The following DNAH7 variants were observed in gnomAD, a reference collection of about 807,000 sequenced individuals.
DNAH7 encodes dynein axonemal heavy chain 7, also known as axonemal beta dynein heavy chain 7.
In DNAH7, 397 loss-of-function variants were observed where a neutral mutation model predicts 444.6. The observed-to-expected ratio is 0.89, with a 90% confidence interval of 0.82 to 0.97. The LOEUF (loss-of-function observed/expected upper bound fraction) is 0.97. Among genes scored for constraint, DNAH7 ranks in the 50% least tolerant of loss-of-function variants. The pLI is 0.00. For synonymous variants in DNAH7, 1,636 were observed against 1,624.4 expected, an observed-to-expected ratio of 1.01 and a Z score of -0.17; for missense variants, 4,902 against 4,800.8, an observed-to-expected ratio of 1.02 and a Z score of -0.62.
chr2:195,939,743 T>C (rs1000305409), intron 19 of DNAH7, among the ~76,000 whole-genome samples: 1 of 152,136 alleles, frequency 6.6e-6, no homozygotes, highest in African/African-American at 2.4e-5. Context: ...CTACTAGGTT[T>C]ACATTTCTAA....
At chr2:195,969,705 A>G (rs1446722221) in intron 17 of DNAH7, among the ~76,000 whole-genome samples, 3 of 152,254 alleles carry the variant, frequency 2.0e-5, no homozygotes, top group Admixed American at 2.0e-4. Context: ...AAGTTTAAAA[A>G]GAAGACTGAG....
chr2:196,027,849 T>G (rs762204182), intron 6 of DNAH7, 111 bp downstream of exon 6: 9 of 894,670 alleles, frequency 1.0e-5, no homozygotes, highest in Non-Finnish European at 1.5e-5. Flanking sequence ...TTTATTCCTA[T>G]GTCCACAGAG....
Position 195,808,692 on chromosome 2 carries a change from T to C in DNAH7, c.10073A>G (p.Tyr3358Cys). 6.2e-7 allele frequency: 1 copy of C among 1,613,924 alleles called. No homozygotes were observed. The highest frequency in any genetic ancestry group is 1.1e-5 in the South Asian group (1 of 91,068). Residue 3358 changes from tyrosine (Y) to cysteine (C), a missense_variant, in exon 53 of 65, where the codon TAT becomes TGT. Physicochemically the swap from Tyr to Cys is radical, Grantham distance 194. Transcript: ENST00000312428. ...MRLKDGWKKV[Y>C]DSLEPHHEVF... is the part of the protein sequence containing the mutation. ...AGGGTTAAAACATACCAAACTATCA[T>C]ATACTTTCTTCCATCCATCCTTTAA...
chr2:195,902,073 C>G (rs1464365827), intron 27 of DNAH7: 1 of 152,056 alleles, frequency 6.6e-6, no homozygotes, highest in Non-Finnish European at 1.5e-5. Flanking sequence ...GAATGACAAT[C>G]ATAGTCAGAT....
intron 47 of DNAH7, among the ~76,000 whole-genome samples, chr2:195,842,009 C>T (rs1366326954): frequency 6.6e-6 from 1 of 152,008 alleles, no homozygotes; most frequent in African/African-American, 2.4e-5. Context: ...TTTACACACA[C>T]ATAAATTCAT....
rs761751366 is a variant in DNAH7, at chr2:195,855,963, T to C, written c.8443A>G (p.Ile2815Val). ...TCCCCTTCAGCTGCAGCCAGTTTTA[T>C]CTTTTTGGGAGCTACTATTTTTGCC... ...KVAKIVAPKK[I>V]KLAAAEGELK... Residue 2815 changes from isoleucine to valine, a missense_variant, in exon 45 of 65, where the codon ATA becomes GTA. Transcript: ENST00000312428. 75 of 1,612,400 alleles carry C rather than the reference T, an allele frequency of 4.7e-5. No individual in the cohort carries two copies. The highest frequency in any genetic ancestry group is 5.8e-5 in the Non-Finnish European group (68 of 1,179,464).
intron 63 of DNAH7, among the ~76,000 whole-genome samples, chr2:195,753,394 T>A (rs1045292210): frequency 2.6e-5 from 4 of 152,190 alleles, no homozygotes; most frequent in Non-Finnish European, 4.4e-5. Context: ...AAAATAAAAC[T>A]TCTTGGCACA....
In DNAH7 at chr2:195,787,139, A is replaced by AC; in HGVS notation, c.10748dup (p.Cys3583TrpfsTer23). The AC allele has an allele frequency of 6.2e-7, 1 of 1,606,280 alleles. No individual in the cohort carries two copies. The highest frequency in any genetic ancestry group is 1.1e-5 in the South Asian group (1 of 89,694). On this transcript the variant is annotated frameshift_variant, in exon 58 of 65. Transcript: ENST00000312428. LOFTEE classifies it high-confidence loss of function. ...TTTCTTGTACCAAAGCATGAAAGAAACACAGGCCATAAAGCAATTTCTTGA... is the reference window on the plus strand; with the variant it reads ...TTTCTTGTACCAAAGCATGAAAGAAACCACAGGCCATAAAGCAATTTCTTGA...
intron 48 of DNAH7, among the ~76,000 whole-genome samples, chr2:195,829,197 T>A (rs1444451380): frequency 6.6e-6 from 1 of 152,210 alleles, no homozygotes; most frequent in Non-Finnish European, 1.5e-5. Context: ...GGTTCTCAGT[T>A]GTCACTGATT....
intron 58 of DNAH7, among the ~76,000 whole-genome samples, chr2:195,781,557 T>TA (rs1695375627): frequency 6.6e-6 from 1 of 152,118 alleles, no homozygotes; most frequent in African/African-American, 2.4e-5. Context: ...TGTTCCTTGT[T>TA]ACAAGAGGGT....
chr2:196,008,702 G>A (rs192090046), intron 10 of DNAH7, among the ~76,000 whole-genome samples: 2 of 152,240 alleles, frequency 1.3e-5, no homozygotes, highest in Admixed American at 6.5e-5. Flanking sequence ...TATTCACTGA[G>A]ACGAAATGTC....
intron 54 of DNAH7, 132 bp downstream of exon 54, chr2:195,806,608 A>G (rs1696722578): frequency 9.8e-6 from 6 of 610,536 alleles, no homozygotes; most frequent in Non-Finnish European, 1.6e-5. Flanking sequence ...TGTCTGCATT[A>G]GAAAGAAGTG....
chr2:195,834,415 C>G, intron 47 of DNAH7, 55 bp from the exon 48 acceptor site: 1 of 1,517,100 alleles, frequency 6.6e-7, no homozygotes, highest in Admixed American at 1.9e-5. Context: ...TTCTACACTA[C>G]TTAATCATGT....
At chr2:195,773,722 G>C (rs1297515154) in intron 60 of DNAH7, among the ~76,000 whole-genome samples, 1 of 152,054 alleles carries the variant, frequency 6.6e-6, no homozygotes, top group Non-Finnish European at 1.5e-5. Flanking sequence ...TTCATTTTCA[G>C]AGACATCAGA....
At chr2:195,987,231 A>G (rs1465919762) in intron 13 of DNAH7, 38 bp from the exon 14 acceptor site, 8 of 1,432,240 alleles carry the variant, frequency 5.6e-6, no homozygotes, top group Non-Finnish European at 7.5e-6. Context: ...ATAAGAAGAA[A>G]TAAAACAAAT....
chr2:195,844,913 A>G (rs939958941), intron 47 of DNAH7, 89 bp downstream of exon 47: 43 of 1,199,488 alleles, frequency 3.6e-5, no homozygotes, highest in South Asian at 1.6e-5. Context: ...TAATACTGTA[A>G]AAGTTTGCTA....
intron 5 of DNAH7, among the ~76,000 whole-genome samples, chr2:196,033,473 C>T (rs534657458): frequency 2.6e-4 from 39 of 152,190 alleles, no homozygotes; most frequent in Non-Finnish European, 3.8e-4. Flanking sequence ...CTCCCTCCAG[C>T]CTCTGGTAAC....
intron 57 of DNAH7, among the ~76,000 whole-genome samples, chr2:195,791,435 G>A (rs571324333): frequency 1.3e-5 from 2 of 151,208 alleles, no homozygotes; most frequent in East Asian, 3.9e-4. Context: ...CAGAGAAAAG[G>A]GAATGCTTAT....
intron 47 of DNAH7, among the ~76,000 whole-genome samples, chr2:195,842,444 G>C (rs1294455479): frequency 6.6e-6 from 1 of 152,082 alleles, no homozygotes; most frequent in East Asian, 1.9e-4. Flanking sequence ...TGTCAAGCAA[G>C]AGTTTCTGGG....
Sources: allele counts gnomAD v4.1 joint callset (sites outside exome capture counted in the v4.1 genomes callset), GRCh38; gene constraint gnomAD v4.1.1; transcripts MANE v1.5; gene names NCBI Gene and HGNC (gene_info 2026-07-23, HGNC 2026-07-21).